FDXR: variants seen among roughly 807,000 people sequenced by gnomAD.
FDXR encodes the protein ferredoxin reductase.
A neutral mutation model predicts 58.3 loss-of-function variants in FDXR; 38 were observed. The observed-to-expected ratio is 0.65, with a 90% CI of 0.50 to 0.85. The LOEUF (loss-of-function observed/expected upper bound fraction) is 0.85, where lower values mean the gene tolerates loss of function less well. Ranked by LOEUF, FDXR falls within the 40% of genes least tolerant of loss-of-function variation. FDXR has a pLI of 0.00. For missense variants in FDXR, 624 were observed against 671.0 expected, an observed-to-expected ratio of 0.93 and a Z score of 0.77; for synonymous variants, 275 against 273.8, an observed-to-expected ratio of 1.00 and a Z score of -0.04.
In FDXR at chr17:74,864,633, A is replaced by G. The variant is rs1436106071; in HGVS notation, c.718-69T>C. 7 of 1,498,844 alleles carry G rather than the reference A, an allele frequency of 4.7e-6. No homozygotes were observed. The African/African-American group carries it at 9.7e-5, about 21-fold the overall frequency. The allele number at this position is 1,498,844 out of a possible 1,614,324, so 92.8% of individuals were successfully genotyped here. On this transcript the variant is annotated intron_variant, in intron 7 of 11. Coordinates refer to ENST00000293195, the MANE Select transcript of FDXR (RefSeq NM_024417.5). ...AACACAGTCCACCTGAGCCCACCCC[A>G]GGGTCCAGCCCAGGCAGGAGAGACC...
Position 74,866,178 on chromosome 17 carries a change from C to T in FDXR, c.460G>A (p.Ala154Thr), listed in dbSNP as rs756377654. The change falls in exon 5 of 12, where the codon GCC becomes ACC. Residue 154 changes from alanine to threonine, a missense_variant. Ala to Thr is a moderately conservative substitution (Grantham distance 58). Coordinates refer to ENST00000293195, the MANE Select transcript of FDXR (RefSeq NM_024417.5). ...PGEELPGVCS[A>T]RAFVGWYNGL... is the part of the protein sequence containing the mutation. ...TTGTACCAGCCCACGAAGGCCCGGG[C>T]GGAGCACACACCTGGCAGCTCCTCA... 1.4e-5 allele frequency: 23 copies of T among 1,613,896 alleles called. 2 individuals are homozygous for T. Among genetic ancestry groups the T allele is most frequent in the East Asian group, 4.5e-5 (2 of 44,896 alleles).
At position 74,864,205 on chromosome 17, in the gene FDXR, C is replaced by A; in HGVS notation, c.945G>T (p.Leu315=). The A allele has an allele frequency of 6.2e-7, 1 of 1,611,922 alleles. No homozygotes were observed. The highest frequency in any genetic ancestry group is 8.5e-7 in the Non-Finnish European group (1 of 1,179,338). ...LRFFRSPQQV[L]PSPDGRRAAG... ...CTGCCCGCCGCCCATCTGGTGAGGG[C>A]AGCACCTGCTGGGGGCTTCGGAAAA... The change falls in exon 9 of 12, where the codon CTG becomes CTT. Residue 315 remains leucine (L), a synonymous_variant. Transcript: ENST00000293195.
rs751003011 is a variant in FDXR, at chr17:74,865,770, G to A, written c.558C>T (p.Asn186=). The change falls in exon 6 of 12, where the codon AAC becomes AAT. Residue 186 remains asparagine, a synonymous_variant. Transcript: ENST00000293195. ...GGATGCGGGCCACGTCCAGAGCCAC[G>A]TTCCCCTGCCCCAGAATCACGGCTG... ...CDTAVILGQG[N]VALDVARILL... 9.3e-6 allele frequency: 15 copies of A among 1,613,694 alleles called. No homozygotes were observed. The highest frequency in any genetic ancestry group is 3.3e-5 in the South Asian group (3 of 91,008).
intron 7 of FDXR, 25 bp downstream of exon 7, chr17:74,864,799 G>C (rs375282282): frequency 6.2e-7 from 1 of 1,613,584 alleles, no homozygotes; most frequent in Non-Finnish European, 8.5e-7. Flanking sequence ...TGGAACCCTG[G>C]CTCCTCCCAC....
In FDXR at chr17:74,862,827, A is replaced by G; in HGVS notation, c.1466T>C (p.Leu489Pro). Residue 489 changes from leucine (L) to proline (P), a missense_variant, in exon 12 of 12, where the codon CTG becomes CCG. Physicochemically the swap from Leu to Pro is moderately conservative, Grantham distance 98 (BLOSUM62 -3). Transcript: ENST00000293195. ...GGGCTGGGGCTGGGCTCAGTGGCCC[A>G]GGAGGCGCAGCATCTCCTGAGGATC... ...LVDPQEMLRL[L>P]GH 1.2e-6 allele frequency: 2 copies of G among 1,610,598 alleles called. No homozygotes were observed. The highest frequency in any genetic ancestry group is 1.7e-6 in the Non-Finnish European group (2 of 1,179,690).
rs34607406 is a variant in FDXR at position 74,862,587 on chromosome 17, G to A, written c.*230C>T. The stretch of plus-strand genomic sequence containing the variant: ...AGAGAGATGGGTAAGGGGTTAGATC[G>A]GCCCACACCTCCACCTGTCCCTAAG... On this transcript the variant is annotated 3_prime_UTR_variant, in exon 12 of 12. Transcript: ENST00000293195. 3,600 of 539,884 alleles carry A rather than the reference G, an allele frequency of 6.7e-3. 102 individuals carry two copies. Among genetic ancestry groups the A allele is most frequent in the African/African-American group, 0.06 (3,160 of 52,970 alleles). The allele number at this position is 539,884 out of a possible 1,614,324, so 33.4% of individuals were successfully genotyped here.
rs772587028 is a variant in FDXR at position 74,862,986 on chromosome 17, C to T, written c.1346-39G>A. The T allele has an allele frequency of 2.5e-6, 4 of 1,605,258 alleles. No individual in the cohort carries two copies. The Admixed American group carries it at 5.0e-5, about 20-fold the overall frequency. On this transcript the variant is annotated intron_variant, in intron 11 of 11. Coordinates refer to ENST00000293195, the MANE Select transcript of FDXR (RefSeq NM_024417.5). ...GAGATTGTCAACACCTCCTCCTTCA[C>T]CCCTCCCAGAACAGCCCCCTCCCAA...
In FDXR at chr17:74,872,935, G is replaced by A. The variant is rs1314874902; in HGVS notation, c.10C>T (p.Arg4Cys). ...GACCAGCCCCACCAGCGCCAGCAGC[G>A]CGAAGCCATGGCTGGGAGCAGCAAC... MASRCWRWWGWSAW... is the reference protein window; with the variant it reads MASCCWRWWGWSAW... The change falls in exon 1 of 12, where the codon CGC (arginine) becomes TGC (cysteine). Residue 4 changes from arginine to cysteine, a missense_variant. Physicochemically the swap from Arg to Cys is radical, Grantham distance 180. Transcript: ENST00000293195. The A allele has an allele frequency of 2.6e-6, 4 of 1,555,846 alleles. No individual in the cohort carries two copies. Among genetic ancestry groups the A allele is most frequent in the Non-Finnish European group, 3.5e-6 (4 of 1,150,186 alleles).
At position 74,866,515 on chromosome 17, in the gene FDXR, C is replaced by T. The variant is rs183154538; in HGVS notation, c.324G>A (p.Trp108Ter). The T allele has an allele frequency of 6.2e-7, 1 of 1,613,794 alleles. No individual in the cohort carries two copies. Among genetic ancestry groups the T allele is most frequent in the Non-Finnish European group, 8.5e-7 (1 of 1,180,012 alleles). The part of the protein sequence containing the change: ...QTAHSGRCAF[W>*]GNVEVGRDVT... ...CGTCCCTGCCCACCTCCACGTTGCC[C>T]CAGAAGGCACAGCGGCCAGAATGGG... Residue 108 changes from tryptophan (W) to a stop codon, truncating the protein, a stop_gained, in exon 4 of 12, where the codon TGG becomes TGA. Coordinates refer to ENST00000293195, the MANE Select transcript of FDXR (RefSeq NM_024417.5). LOFTEE classifies it high-confidence loss of function.
intron 1 of FDXR, 138 bp downstream of exon 1, chr17:74,872,718 CCCGTACACCA>C (rs1162743206): frequency 1.3e-5 from 19 of 1,504,346 alleles, no homozygotes; most frequent in South Asian, 9.8e-5. Context: ...TCCGCCCACC[CCCGTACACCA>C]CCGGGATCTC....
At chr17:74,872,615 C>A in intron 1 of FDXR, 1 of 788,688 alleles carries the variant, frequency 1.3e-6, no homozygotes. Context: ...TCCATTCACC[C>A]CGTCTCACAC....
intron 6 of FDXR, among the ~76,000 whole-genome samples, chr17:74,865,164 T>C (rs1335312999): frequency 6.6e-6 from 1 of 152,092 alleles, no homozygotes; most frequent in Non-Finnish European, 1.5e-5. Flanking sequence ...CTCTACCATG[T>C]GCTCACCCCC....
Position 74,864,487 on chromosome 17 carries a change from C to T in FDXR, c.795G>A (p.Lys265=). ...DPVDFLGLQD[K]IKEVPRPRKR... is the part of the protein sequence containing the mutation. ...CAGGCCAGGGCCCCTCACCCTTGAT[C>T]TTGTCCTGGAGACCCAAGAAATCCA... The change falls in exon 8 of 12, where the codon AAG becomes AAA. Residue 265 remains lysine, a synonymous_variant. Transcript: ENST00000293195. The T allele has an allele frequency of 1.2e-6, 2 of 1,614,044 alleles. No homozygotes were observed. The highest frequency in any genetic ancestry group is 2.2e-5 in the East Asian group (1 of 44,868).
chr17:74,866,394 G>A (rs1281934114), intron 4 of FDXR, 52 bp downstream of exon 4: 50 of 1,603,548 alleles, frequency 3.1e-5, no homozygotes, highest in East Asian at 4.5e-5. Context: ...CCGAGCCACC[G>A]GCCTCCTTCT....
At chr17:74,863,775 G>C in intron 10 of FDXR, 121 bp downstream of exon 10, 3 of 1,286,392 alleles carry the variant, frequency 2.3e-6, no homozygotes, top group African/African-American at 1.5e-5. Context: ...CCTAGAGAGG[G>C]CCTGCCCTGC....
chr17:74,862,714 C>G lies in FDXR; in HGVS notation c.*103G>C. The stretch of plus-strand genomic sequence containing the variant: ...AGCAGCCAAGCCTCCAAGCCAGGGC[C>G]GGCCGGGATCAGCAGAGGTGCAAAG... On this transcript the variant is annotated 3_prime_UTR_variant, in exon 12 of 12. Coordinates refer to ENST00000293195, the MANE Select transcript of FDXR (RefSeq NM_024417.5). 1 of 1,436,980 alleles carries G rather than the reference C, an allele frequency of 7.0e-7. No individual in the cohort carries two copies. Among genetic ancestry groups the G allele is most frequent in the Middle Eastern group, 2.6e-4 (1 of 3,850 alleles). 89.0% of individuals were successfully genotyped at this position (1,436,980 alleles called of 1,614,324 possible).
At chr17:74,872,697 AC>A (rs2144688318) in intron 1 of FDXR, 168 bp downstream of exon 1, 2 of 1,424,794 alleles carry the variant, frequency 1.4e-6, no homozygotes, top group Non-Finnish European at 1.9e-6. Flanking sequence ...CTCACATCTC[AC>A]GCACAGATCT....
At chr17:74,865,901 TC>T in intron 5 of FDXR, 81 bp from the exon 6 acceptor site, 1 of 1,157,158 alleles carries the variant, frequency 8.6e-7, no homozygotes, top group Non-Finnish European at 1.3e-6. Context: ...TCATGCCTGG[TC>T]CCCACTGTGC....
At position 74,862,877 on chromosome 17, in the gene FDXR, C is replaced by T. The variant is rs140429107; in HGVS notation, c.1416G>A (p.Thr472=). 69 of 1,613,228 alleles carry T rather than the reference C, an allele frequency of 4.3e-5. No homozygotes were observed. In the African/African-American group the frequency reaches 5.5e-4, roughly 13 times the overall value. The change falls in exon 12 of 12, where the codon ACG becomes ACA. Residue 472 remains threonine (T), a synonymous_variant. Transcript: ENST00000293195. ...DAEEVARGQG[T]GKPREKLVDP... ...CCACCAGCTTCTCCCTGGGCTTCCCCGTGCCCTGGCCCCGGGCCACCTCCT... is the reference window on the plus strand; with the variant it reads ...CCACCAGCTTCTCCCTGGGCTTCCCTGTGCCCTGGCCCCGGGCCACCTCCT...
Sources: allele counts gnomAD v4.1 joint callset (sites outside exome capture counted in the v4.1 genomes callset), GRCh38; gene constraint gnomAD v4.1.1; transcripts MANE v1.5; gene names NCBI Gene and HGNC (gene_info 2026-07-23, HGNC 2026-07-21).